The following RPA3 variants were observed in gnomAD, a reference collection of about 807,000 sequenced individuals.
RPA3 encodes the protein replication protein A 14 kDa subunit.
In RPA3, 24 loss-of-function variants were observed where a neutral mutation model predicts 13.7. The ratio of observed to expected loss-of-function variants is 1.75; its 90% CI spans 1.27 to 2.46. The LOEUF (loss-of-function observed/expected upper bound fraction) is 2.46. Among genes scored for constraint, RPA3 ranks in the 30% most tolerant of loss-of-function variants. The probability of loss-of-function intolerance (pLI) is 0.00; values close to 1 mark genes in which losing one functional copy is unlikely to be tolerated. For missense variants in RPA3, 183 were observed against 151.0 expected (o/e 1.21, Z -1.11); for synonymous variants, 59 against 51.2 (o/e 1.15, Z -0.65).
chr7:7,695,683 C>T (rs1245199662), intron 2 of RPA3, among the ~76,000 whole-genome samples: 1 of 152,200 alleles, frequency 6.6e-6, no homozygotes. Flanking sequence ...TGCTTCTGAG[C>T]ATATGCAACT....
chr7:7,680,318 T>C (rs963979939), intron 4 of RPA3, among the ~76,000 whole-genome samples: 1 of 152,184 alleles, frequency 6.6e-6, no homozygotes, highest in Non-Finnish European at 1.5e-5. Context: ...ATGTATATCC[T>C]TGGCACCCTT....
At chr7:7,671,006 T>G (rs1234279025) in intron 4 of RPA3, among the ~76,000 whole-genome samples, 1 of 152,210 alleles carries the variant, frequency 6.6e-6, no homozygotes, top group Non-Finnish European at 1.5e-5. Flanking sequence ...CTTCCTTGGC[T>G]ACAACGGAAA....
chr7:7,643,657 A>C (rs1446168228), intron 4 of RPA3, among the ~76,000 whole-genome samples: 2 of 151,240 alleles, frequency 1.3e-5, no homozygotes, highest in Non-Finnish European at 2.9e-5. Context: ...GCTTGCAGTG[A>C]GCCGAGATCG....
At chr7:7,669,201 A>C (rs1403028120) in intron 4 of RPA3, among the ~76,000 whole-genome samples, 1 of 152,104 alleles carries the variant, frequency 6.6e-6, no homozygotes, top group African/African-American at 2.4e-5. Context: ...TCAGGTGTCT[A>C]CTTGGGATCT....
intron 4 of RPA3, among the ~76,000 whole-genome samples, chr7:7,685,511 T>C (rs1780023754): frequency 6.6e-6 from 1 of 152,038 alleles, no homozygotes; most frequent in African/African-American, 2.4e-5. Flanking sequence ...GTTTCACCAC[T>C]TTGGCCAGGA....
At chr7:7,716,690 C>T (rs1583769262) in intron 1 of RPA3, among the ~76,000 whole-genome samples, 1 of 152,190 alleles carries the variant, frequency 6.6e-6, no homozygotes, top group East Asian at 1.9e-4. Flanking sequence ...TCACGCCTGT[C>T]ATCCCAGCAC....
chr7:7,709,695 G>A (rs1156432473), intron 2 of RPA3, among the ~76,000 whole-genome samples: 1 of 151,972 alleles, frequency 6.6e-6, no homozygotes, highest in East Asian at 1.9e-4. Flanking sequence ...ACCTGCTGAG[G>A]GTAAGATCTT....
chr7:7,670,854 G>A (rs1779588601), intron 4 of RPA3, among the ~76,000 whole-genome samples: 1 of 152,200 alleles, frequency 6.6e-6, no homozygotes, highest in South Asian at 2.1e-4. Flanking sequence ...CAATTCCACA[G>A]TAGAATTTTG....
At chr7:7,649,088 G>A (rs997235139) in intron 4 of RPA3, among the ~76,000 whole-genome samples, 26 of 149,624 alleles carry the variant, frequency 1.7e-4, no homozygotes, top group African/African-American at 4.9e-4. Flanking sequence ...AACCCAGGAA[G>A]TGGAGATTGC....
At chr7:7,703,810 C>T (rs1360152404) in intron 2 of RPA3, among the ~76,000 whole-genome samples, 2 of 152,038 alleles carry the variant, frequency 1.3e-5, no homozygotes, top group African/African-American at 2.4e-5. Context: ...AATGTGGTGG[C>T]GTGCCCCTGT....
At chr7:7,663,256 C>T (rs1193285232) in intron 4 of RPA3, among the ~76,000 whole-genome samples, 1 of 147,766 alleles carries the variant, frequency 6.8e-6, no homozygotes, top group African/African-American at 2.5e-5. Flanking sequence ...CAGTTTGAAG[C>T]AAACACCTAA....
rs1004363770 is a variant in RPA3 at position 7,640,809 on chromosome 7, G to A, written c.-391C>T. On this transcript the variant is annotated 5_prime_UTR_variant, in exon 5 of 8. Coordinates refer to ENST00000223129, the MANE Select transcript of RPA3 (RefSeq NM_002947.5). The stretch of plus-strand genomic sequence containing the variant: ...GGTGCTGGTGCGGCGGGGGACTGCG[G>A]GGCCAGCCTCAGGTACCTCGTCTCG... 2.4e-5 allele frequency: 5 copies of A among 205,712 alleles called. No homozygotes were observed. The highest frequency in any genetic ancestry group is 1.2e-4 in the African/African-American group (5 of 42,610). 12.7% of individuals were successfully genotyped at this position (205,712 alleles called of 1,614,324 possible). A position where few individuals can be genotyped will look rare whatever the true frequency, so the allele number is the denominator to read the frequency against.
At chr7:7,676,387 C>A (rs1225091647) in intron 4 of RPA3, among the ~76,000 whole-genome samples, 1 of 152,148 alleles carries the variant, frequency 6.6e-6, no homozygotes, top group East Asian at 1.9e-4. Flanking sequence ...TTAATGTTTC[C>A]AAGTTTCTCC....
intron 2 of RPA3, among the ~76,000 whole-genome samples, chr7:7,711,268 T>C (rs1417281158): frequency 6.6e-6 from 1 of 152,176 alleles, no homozygotes; most frequent in East Asian, 1.9e-4. Flanking sequence ...TCTGAAAAAG[T>C]TCAATTAAAA....
chr7:7,712,653 T>G (rs1298198711), intron 2 of RPA3, among the ~76,000 whole-genome samples: 1 of 152,208 alleles, frequency 6.6e-6, no homozygotes, highest in African/African-American at 2.4e-5. Flanking sequence ...ATTCAAATCC[T>G]TGTGGTTTCA....
In RPA3 at chr7:7,641,121, T is replaced by A. The variant is rs1472912029; in HGVS notation, c.-703A>T. 6.6e-6 allele frequency: 1 copy of A among 152,466 alleles called. No individual in the cohort carries two copies. The highest frequency in any genetic ancestry group is 1.5e-5 in the Non-Finnish European group (1 of 68,114). 9.4% of individuals were successfully genotyped at this position (152,466 alleles called of 1,614,324 possible). On this transcript the variant is annotated 5_prime_UTR_variant, in exon 5 of 8. Transcript: ENST00000223129. ...CTTCAGGCTTTTGCCACTTGTTGGC[T>A]GAGGGTCGATTTACTCCCTTAGCTG... is the stretch of plus-strand genomic sequence containing the variant.
intron 4 of RPA3, among the ~76,000 whole-genome samples, chr7:7,664,028 G>A (rs1366437803): frequency 2.0e-5 from 3 of 152,054 alleles, no homozygotes; most frequent in African/African-American, 4.8e-5. Context: ...CCACCTGAAG[G>A]CCAAGTCCAG....
At chr7:7,703,761 G>A (rs938931483) in intron 2 of RPA3, among the ~76,000 whole-genome samples, 70 of 152,206 alleles carry the variant, frequency 4.6e-4, no homozygotes, top group Middle Eastern at 3.4e-3. Context: ...GCAACGTGGC[G>A]AAACCCCGTT....
At chr7:7,663,206 C>A (rs1269483826) in intron 4 of RPA3, among the ~76,000 whole-genome samples, 1 of 142,060 alleles carries the variant, frequency 7.0e-6, no homozygotes, top group Non-Finnish European at 1.5e-5. Context: ...CTGGTCTTGA[C>A]CTGCTAAATT....
Sources: allele counts gnomAD v4.1 joint callset (sites outside exome capture counted in the v4.1 genomes callset), GRCh38; gene constraint gnomAD v4.1.1; transcripts MANE v1.5; gene names NCBI Gene and HGNC (gene_info 2026-07-23, HGNC 2026-07-21).